The following CHRDL1 variants were observed in gnomAD, a reference collection of about 807,000 sequenced individuals.
CHRDL1 encodes the protein chordin-like protein 1.
A neutral mutation model predicts 40.9 loss-of-function variants in CHRDL1; 19 were observed. The observed-to-expected ratio is 0.46, with a 90% confidence interval of 0.32 to 0.68. The LOEUF (loss-of-function observed/expected upper bound fraction) is 0.68, where lower values mean the gene tolerates loss of function less well. CHRDL1 is among the 30% of genes least tolerant of loss of function. CHRDL1 has a pLI of 0.03. For synonymous variants in CHRDL1, 136 were observed against 123.4 expected (o/e 1.10, Z -0.68); for missense variants, 329 against 352.1 (o/e 0.93, Z 0.53).
intron 4 of CHRDL1, among the ~76,000 whole-genome samples, chrX:110,733,811 G>C (rs989570369): frequency 9.1e-6 from 1 of 109,301 alleles, no homozygotes; most frequent in Non-Finnish European, 1.9e-5. Context: ...AGGAGGCTAA[G>C]GCAGGATCAT....
At chrX:110,776,298 T>C (rs2089851580) in intron 2 of CHRDL1, among the ~76,000 whole-genome samples, 1 of 111,904 alleles carries the variant, frequency 8.9e-6, no homozygotes, top group Non-Finnish European at 1.9e-5. Flanking sequence ...ATTCCCTCAA[T>C]TTTTGTCTGA....
At chrX:110,786,834 A>C (rs2090024339) in intron 2 of CHRDL1, among the ~76,000 whole-genome samples, 1 of 112,251 alleles carries the variant, frequency 8.9e-6, no homozygotes, top group Non-Finnish European at 1.9e-5. Flanking sequence ...ATAGTATACT[A>C]TCCCTCTTAG....
intron 4 of CHRDL1, among the ~76,000 whole-genome samples, chrX:110,726,190 G>A (rs1057001318): frequency 9.0e-6 from 1 of 111,535 alleles, no homozygotes; most frequent in African/African-American, 3.3e-5. Flanking sequence ...ATTGGTCTCT[G>A]GGGTCCCAGC....
intron 6 of CHRDL1, among the ~76,000 whole-genome samples, chrX:110,700,931 TA>T (rs2070500206): frequency 8.9e-6 from 1 of 112,150 alleles, no homozygotes; most frequent in South Asian, 3.7e-4. Context: ...TGCCACTTTC[TA>T]AATAGATGTC....
At chrX:110,728,116 T>A (rs1004967298) in intron 4 of CHRDL1, among the ~76,000 whole-genome samples, 1 of 110,491 alleles carries the variant, frequency 9.1e-6, no homozygotes, top group African/African-American at 3.3e-5. Context: ...AAAATATTTT[T>A]AAAATATATA....
At chrX:110,677,904 G>A (rs2069812146) in intron 11 of CHRDL1, among the ~76,000 whole-genome samples, 2 of 110,870 alleles carry the variant, frequency 1.8e-5, no homozygotes, top group African/African-American at 3.3e-5. Flanking sequence ...TATTAATATC[G>A]GACCCATTCC....
chrX:110,709,483 G>A (rs1201659312), intron 6 of CHRDL1, among the ~76,000 whole-genome samples: 7 of 112,454 alleles, frequency 6.2e-5, no homozygotes, highest in Non-Finnish European at 9.4e-5. Flanking sequence ...ACAGGGTCCT[G>A]GAGATATTTT....
At chrX:110,708,113 A>G (rs912488276) in intron 6 of CHRDL1, among the ~76,000 whole-genome samples, 5 of 111,224 alleles carry the variant, frequency 4.5e-5, no homozygotes, top group Non-Finnish European at 7.6e-5. Context: ...CATGCCAGTT[A>G]GAATGGTGAT....
chrX:110,774,101 C>A (rs2089805491), intron 2 of CHRDL1, among the ~76,000 whole-genome samples: 2 of 111,545 alleles, frequency 1.8e-5, no homozygotes, highest in African/African-American at 6.5e-5. Flanking sequence ...GGAGAATATA[C>A]CCCTTTATTA....
At chrX:110,704,016 G>C (rs7876744) in intron 6 of CHRDL1, among the ~76,000 whole-genome samples, 7,215 of 111,124 alleles carry the variant, frequency 0.065, 578 homozygotes, top group African/African-American at 0.23. Context: ...AGTGGGGTGT[G>C]TTGTTGAGGT....
chrX:110,688,851 G>A, intron 8 of CHRDL1, 48 bp from the exon 9 acceptor site: 1 of 981,347 alleles, frequency 1.0e-6, no homozygotes, highest in Non-Finnish European at 1.4e-6. Context: ...GAGCTAAAAT[G>A]GAACCCTATA....
At chrX:110,751,538 T>C (rs1414218558) in intron 4 of CHRDL1, among the ~76,000 whole-genome samples, 1 of 111,838 alleles carries the variant, frequency 8.9e-6, no homozygotes, top group African/African-American at 3.3e-5. Flanking sequence ...ACATCACTAA[T>C]CATCAGAAAA....
At chrX:110,758,098 A>G (rs1481270660) in intron 4 of CHRDL1, among the ~76,000 whole-genome samples, 2 of 107,635 alleles carry the variant, frequency 1.9e-5, no homozygotes, top group Non-Finnish European at 3.8e-5. Context: ...GGTTAACCAA[A>G]AAACAAAAAC....
At chrX:110,682,562 GAAC>G (rs2069923529) in intron 9 of CHRDL1, among the ~76,000 whole-genome samples, 1 of 112,345 alleles carries the variant, frequency 8.9e-6, no homozygotes. Context: ...ACTCAAATCA[GAAC>G]AACAGAAGCC....
chrX:110,764,226 C>A (rs1486122167), intron 2 of CHRDL1, among the ~76,000 whole-genome samples: 1 of 111,881 alleles, frequency 8.9e-6, no homozygotes, highest in African/African-American at 3.3e-5. Context: ...TTTTGCCATG[C>A]AAAAGCTCTT....
intron 6 of CHRDL1, among the ~76,000 whole-genome samples, chrX:110,717,861 T>C (rs765758970): frequency 8.9e-6 from 1 of 111,986 alleles, no homozygotes; most frequent in African/African-American, 3.2e-5. Context: ...CTATAATTTT[T>C]TTCCTCTAAC....
rs1459635304 is a variant in CHRDL1 at position 110,758,133 on chromosome X, A to AC, written c.301+1527_301+1528insG. Among the ~76,000 whole-genome samples, 263 of 104,930 alleles carry AC rather than the reference A, an allele frequency of 2.5e-3. 1 individual carries two copies. Among genetic ancestry groups the AC allele is most frequent in the African/African-American group, 9.5e-3 (246 of 25,813 alleles). 91.1% of individuals were successfully genotyped at this position (104,930 alleles called of 115,157 possible). On this transcript the variant is annotated intron_variant, in intron 4 of 11. Coordinates refer to ENST00000372042, the MANE Select transcript of CHRDL1 (RefSeq NM_001143981.2). ...CAAAAAACAAAAAACAAAAAAACAA[A>AC]AAAAAAAAAAACAAAGAAGCTCTCC...
At chrX:110,776,981 T>A (rs1327593746) in intron 2 of CHRDL1, among the ~76,000 whole-genome samples, 2 of 111,407 alleles carry the variant, frequency 1.8e-5, no homozygotes, top group African/African-American at 3.3e-5. Context: ...CCTAAAAATA[T>A]TTTGTGTTCT....
intron 8 of CHRDL1, among the ~76,000 whole-genome samples, chrX:110,689,113 T>TATATATATATATATATATA (rs1569461272): frequency 1.2e-5 from 1 of 86,777 alleles, no homozygotes; most frequent in Non-Finnish European, 2.2e-5. Flanking sequence ...TATATATATA[T>TATATATATATATATATATA]TTTAAGACCG....
Sources: allele counts gnomAD v4.1 joint callset (sites outside exome capture counted in the v4.1 genomes callset), GRCh38; gene constraint gnomAD v4.1.1; transcripts MANE v1.5; gene names NCBI Gene and HGNC (gene_info 2026-07-23, HGNC 2026-07-21).